Variants in RELN observed in about 807,000 individuals in gnomAD.
RELN encodes reelin.
In RELN, 108 loss-of-function variants were observed where a neutral mutation model predicts 427.6. The observed-to-expected ratio is 0.25, with a 90% CI of 0.22 to 0.30. RELN has a LOEUF of 0.30. RELN is among the 10% of genes least tolerant of loss of function. The pLI, the probability that RELN is intolerant of heterozygous loss-of-function variation, is 1.00. For missense variants in RELN, 3,715 were observed against 4,302.8 expected, an observed-to-expected ratio of 0.86 and a Z score of 3.82; for synonymous variants, 1,524 against 1,513.4, an observed-to-expected ratio of 1.01 and a Z score of -0.16.
At chr7:103,568,444 G>A (rs1830811204) in intron 31 of RELN, among the ~76,000 whole-genome samples, 1 of 152,168 alleles carries the variant, frequency 6.6e-6, no homozygotes, top group African/African-American at 2.4e-5. Context: ...AACTCTTTGG[G>A]GGAGACAGCC....
intron 45 of RELN, among the ~76,000 whole-genome samples, chr7:103,537,238 A>G (rs1186308136): frequency 6.6e-6 from 1 of 152,074 alleles, no homozygotes; most frequent in East Asian, 1.9e-4. Context: ...GCATTATCTC[A>G]TATCAATTTT....
intron 19 of RELN, among the ~76,000 whole-genome samples, chr7:103,631,286 C>CTTTTTTTTTTTTTTTTTTTTTT (rs545808640): frequency 1.3e-5 from 1 of 77,812 alleles, no homozygotes; most frequent in Non-Finnish European, 2.3e-5. Flanking sequence ...AAAAACACTT[C>CTTTTTTTTTTTTTTTTTTTTTT]TTTTTTTTTT....
At chr7:103,889,405 G>T (rs112106073) in intron 2 of RELN, among the ~76,000 whole-genome samples, 4 of 152,182 alleles carry the variant, frequency 2.6e-5, no homozygotes, top group African/African-American at 9.6e-5. Flanking sequence ...ATGCTACCAA[G>T]AACTTAATGT....
chr7:103,774,925 A>C (rs992177053), intron 4 of RELN, among the ~76,000 whole-genome samples: 4 of 152,172 alleles, frequency 2.6e-5, no homozygotes, highest in African/African-American at 9.7e-5. Flanking sequence ...CTTATGTGTA[A>C]TACTACTATA....
rs183984630 is a variant in RELN, at chr7:103,681,307, A to G, written c.1289+809T>C. 1.1e-4 allele frequency among the ~76,000 whole-genome samples: 16 copies of G among 152,318 alleles called. No individual in the cohort carries two copies. The East Asian group carries it at 3.1e-3, about 29-fold the overall frequency. ...TTTAATTTGTTGAGATCACAGTGAC[A>G]CGACTATACCTCAAATGTTGTATTA... On this transcript the variant is annotated intron_variant, in intron 11 of 64. Transcript: ENST00000428762.
In RELN at chr7:103,816,530, A is replaced by AACACACACACACACACACACACAC. The variant is rs57873981; in HGVS notation, c.473+16983_473+17006dup. 1.8e-3 allele frequency among the ~76,000 whole-genome samples: 259 copies of AACACACACACACACACACACACAC among 143,726 alleles called. 3 individuals are homozygous for AACACACACACACACACACACACAC. The highest frequency in any genetic ancestry group is 2.7e-3 in the Non-Finnish European group (180 of 65,730). 94.3% of individuals were successfully genotyped at this position (143,726 alleles called of 152,430 possible). On this transcript the variant is annotated intron_variant, in intron 3 of 64. Coordinates refer to ENST00000428762, the MANE Select transcript of RELN (RefSeq NM_005045.4). Reference sequence around the variant, plus strand: ...TTATCCAGAACCATCTTTCTCTAGAAACACACACACACACACACACACACA... The same window carrying AACACACACACACACACACACACAC: ...TTATCCAGAACCATCTTTCTCTAGAAACACACACACACACACACACACACACACACACACACACACACACACACA...
intron 7 of RELN, among the ~76,000 whole-genome samples, chr7:103,726,141 T>A (rs530876538): frequency 6.6e-6 from 1 of 152,218 alleles, no homozygotes; most frequent in Non-Finnish European, 1.5e-5. Flanking sequence ...TTAGTAAATA[T>A]TGAATATAAT....
intron 3 of RELN, among the ~76,000 whole-genome samples, chr7:103,778,608 C>A (rs1317166188): frequency 6.6e-6 from 1 of 152,230 alleles, no homozygotes; most frequent in Non-Finnish European, 1.5e-5. Flanking sequence ...ATACCAACAT[C>A]TGCTAGTCAC....
chr7:103,809,904 T>C (rs956992088), intron 3 of RELN, among the ~76,000 whole-genome samples: 1 of 152,148 alleles, frequency 6.6e-6, no homozygotes, highest in Non-Finnish European at 1.5e-5. Context: ...ACAGGGGAAG[T>C]GTGACTTTTA....
At chr7:103,883,614 T>C (rs1361047505) in intron 2 of RELN, among the ~76,000 whole-genome samples, 1 of 152,164 alleles carries the variant, frequency 6.6e-6, no homozygotes, top group African/African-American at 2.4e-5. Context: ...TGTGCAAAAG[T>C]CACAAGCATT....
chr7:103,551,097 A>G lies in RELN; in HGVS notation c.6272T>C (p.Val2091Ala). 6.2e-7 allele frequency: 1 copy of G among 1,613,364 alleles called. No individual in the cohort carries two copies. The highest frequency in any genetic ancestry group is 8.5e-7 in the Non-Finnish European group (1 of 1,179,916). ...AAGGTGCAGCTTCCCAAAGTGCACG[A>G]CCTCCCTCCTCCAGCCCTGCATGGT... ...AGTMQGWRRE[V>A]VHFGKLHLCG... Residue 2091 changes from valine (V) to alanine (A), a missense_variant, in exon 41 of 65, where the codon GTC (valine) becomes GCC (alanine). Val to Ala is a moderately conservative substitution (Grantham distance 64). Transcript: ENST00000428762.
chr7:103,969,042 C>G (rs1796711606), intron 1 of RELN, among the ~76,000 whole-genome samples: 1 of 152,054 alleles, frequency 6.6e-6, no homozygotes, highest in Non-Finnish European at 1.5e-5. Context: ...ATAAGGCTCT[C>G]CTAATAATGA....
At chr7:103,793,343 T>C (rs1188872224) in intron 3 of RELN, among the ~76,000 whole-genome samples, 4 of 152,194 alleles carry the variant, frequency 2.6e-5, no homozygotes, top group South Asian at 2.1e-4. Context: ...AAAGCAGTCA[T>C]GTGTACCATG....
chr7:103,887,199 C>G (rs1265609622), intron 2 of RELN, among the ~76,000 whole-genome samples: 32 of 152,276 alleles, frequency 2.1e-4, no homozygotes, highest in Non-Finnish European at 1.3e-4. Flanking sequence ...AAACTACTTC[C>G]TCTTCAGCTT....
rs147148851 is a variant in RELN, at chr7:103,708,376, C to T, written c.806-7370G>A. Among the ~76,000 whole-genome samples, 4 of 152,016 alleles carry T rather than the reference C, an allele frequency of 2.6e-5. No homozygotes were observed. The East Asian group carries it at 7.7e-4, about 29-fold the overall frequency. On this transcript the variant is annotated intron_variant, in intron 8 of 64. Coordinates refer to ENST00000428762, the MANE Select transcript of RELN (RefSeq NM_005045.4). ...GTAGGAAAAACAGACCTCCCAACAGCCTTTCTCACTTAAGAAGTAAAACAT... is the reference window on the plus strand; with the variant it reads ...GTAGGAAAAACAGACCTCCCAACAGTCTTTCTCACTTAAGAAGTAAAACAT...
rs552574571 is a variant in RELN, at chr7:103,625,351, C to A, written c.2702+4589G>T. Among the ~76,000 whole-genome samples, 10 of 152,330 alleles carry A rather than the reference C, an allele frequency of 6.6e-5. No individual in the cohort carries two copies. The South Asian group carries it at 1.9e-3, about 28-fold the overall frequency. ...GCTTTCTGTTGCACAATGCTTCAACCTTCTCCCTCAACCAAATCTAGTTTA... is the reference window on the plus strand; with the variant it reads ...GCTTTCTGTTGCACAATGCTTCAACATTCTCCCTCAACCAAATCTAGTTTA... On this transcript the variant is annotated intron_variant, in intron 20 of 64. Transcript: ENST00000428762.
chr7:103,629,697 T>C (rs1260750977), intron 20 of RELN, among the ~76,000 whole-genome samples: 1 of 152,190 alleles, frequency 6.6e-6, no homozygotes, highest in African/African-American at 2.4e-5. Context: ...GGGAAAATTT[T>C]ATGTTTATTT....
Position 103,574,210 on chromosome 7 carries a change from T to A in RELN, c.4393A>T (p.Ile1465Leu). 2 of 1,614,188 alleles carry A rather than the reference T, an allele frequency of 1.2e-6. No individual in the cohort carries two copies. The highest frequency in any genetic ancestry group is 1.7e-6 in the Non-Finnish European group (2 of 1,180,028). ...CCAGTTCCAACCTGGGCACCTGTTA[T>A]CTTGTACCACAGAGGGCTGAGCTTC... ...EGKLSPLWYK[I>L]TGAQVGTGCG... The change falls in exon 30 of 65, where the codon ATA becomes TTA. Residue 1465 changes from isoleucine to leucine, a missense_variant. Physicochemically the swap from Ile to Leu is conservative, Grantham distance 5. Transcript: ENST00000428762.
At chr7:103,794,624 T>C (rs1215010708) in intron 3 of RELN, among the ~76,000 whole-genome samples, 1 of 152,180 alleles carries the variant, frequency 6.6e-6, no homozygotes, top group African/African-American at 2.4e-5. Context: ...CCATATGAAA[T>C]GATGCAATTC....
Sources: gnomAD v4.1 joint callset for allele counts (sites outside exome capture counted in the v4.1 genomes callset) on GRCh38, gnomAD v4.1.1 for gene constraint, MANE v1.5 for transcripts, NCBI Gene and HGNC (gene_info 2026-07-23, HGNC 2026-07-21) for gene names.